The following PDE4D variants were observed in gnomAD, a reference collection of about 807,000 sequenced individuals.
PDE4D encodes phosphodiesterase 4D, also known as 3',5'-cyclic-AMP phosphodiesterase 4D.
Under a neutral mutation model 87.4 loss-of-function variants are expected in PDE4D, and 24 were observed. The observed-to-expected ratio is 0.27, with a 90% CI of 0.20 to 0.39. The LOEUF (loss-of-function observed/expected upper bound fraction) is 0.39, where lower values mean the gene tolerates loss of function less well. Among genes scored for constraint, PDE4D ranks in the 10% least tolerant of loss-of-function variants. PDE4D has a pLI of 1.00. For missense variants in PDE4D, 714 were observed against 1,041.0 expected (o/e 0.69, Z 4.32); for synonymous variants, 384 against 383.2 (o/e 1.00, Z -0.02).
At chr5:59,017,717 T>G (rs1580321579) in intron 6 of PDE4D, among the ~76,000 whole-genome samples, 1 of 152,188 alleles carries the variant, frequency 6.6e-6, no homozygotes, top group Non-Finnish European at 1.5e-5. Context: ...CCTAAGAAAC[T>G]TCCTTATCCA....
chr5:59,849,653 A>T (rs1581410228), intron 1 of PDE4D, among the ~76,000 whole-genome samples: 1 of 151,810 alleles, frequency 6.6e-6, no homozygotes, highest in Non-Finnish European at 1.5e-5. Context: ...TAAATCATAC[A>T]TGGACAAAAG....
At chr5:60,022,052 T>C (rs2152853261) in intron 2 of PDE4D, among the ~76,000 whole-genome samples, 1 of 152,238 alleles carries the variant, frequency 6.6e-6, no homozygotes, top group Non-Finnish European at 1.5e-5. Flanking sequence ...GAAACAAACA[T>C]CCCTCCTCTT....
At chr5:59,369,107 CA>C (rs1783548832) in intron 1 of PDE4D, among the ~76,000 whole-genome samples, 1 of 152,206 alleles carries the variant, frequency 6.6e-6, no homozygotes, top group African/African-American at 2.4e-5. Context: ...CATCACTTCT[CA>C]ATCTACTACT....
At chr5:59,166,085 A>G (rs555907304) in intron 5 of PDE4D, among the ~76,000 whole-genome samples, 1 of 152,252 alleles carries the variant, frequency 6.6e-6, no homozygotes, top group Non-Finnish European at 1.5e-5. Context: ...TCCACTAAGA[A>G]TTTTGCATTA....
chr5:59,683,184 T>C (rs548434962), intron 1 of PDE4D, among the ~76,000 whole-genome samples: 2 of 152,318 alleles, frequency 1.3e-5, no homozygotes, highest in Non-Finnish European at 2.9e-5. Context: ...TTGCTCTTAA[T>C]GTGTATCAAT....
chr5:60,349,520 ACTAT>A lies in PDE4D; in HGVS notation c.-90+138418_-90+138421del, dbSNP rs756603043. On this transcript the variant is annotated intron_variant, in intron 1 of 16. Coordinates refer to the PDE4D transcript ENST00000502484. ...ATGCCACTTTAAACTGTTGGCATTT[ACTAT>A]CTAAGGCAGAATTAAAAGATTTCAT... Among the ~76,000 whole-genome samples, 12 of 152,346 alleles carry A rather than the reference ACTAT, an allele frequency of 7.9e-5. No homozygotes were observed. The South Asian group carries it at 1.7e-3, about 21-fold the overall frequency.
intron 2 of PDE4D, among the ~76,000 whole-genome samples, chr5:60,044,528 C>T (rs1302842468): frequency 6.6e-6 from 1 of 151,462 alleles, no homozygotes; most frequent in South Asian, 2.1e-4. Flanking sequence ...CCCCACCCCA[C>T]AATAGTCCCC....
chr5:60,402,064 T>C (rs1426154393), intron 1 of PDE4D, among the ~76,000 whole-genome samples: 1 of 152,218 alleles, frequency 6.6e-6, no homozygotes, highest in Middle Eastern at 3.2e-3. Context: ...CCCTGACAGC[T>C]GGAAAATACG....
chr5:59,807,966 G>A (rs574518892), intron 1 of PDE4D, among the ~76,000 whole-genome samples: 1 of 152,312 alleles, frequency 6.6e-6, no homozygotes, highest in African/African-American at 2.4e-5. Flanking sequence ...AAGCTCTTCA[G>A]ATGATGGATG....
intron 5 of PDE4D, among the ~76,000 whole-genome samples, chr5:59,115,389 C>A (rs1773432653): frequency 6.6e-6 from 1 of 152,066 alleles, no homozygotes; most frequent in Non-Finnish European, 1.5e-5. Context: ...TTTTCTTTTT[C>A]TGTTGTTGTT....
chr5:59,494,560 A>G (rs1489895790), intron 1 of PDE4D, among the ~76,000 whole-genome samples: 1 of 152,234 alleles, frequency 6.6e-6, no homozygotes, highest in East Asian at 1.9e-4. Context: ...TTGAACTGTT[A>G]GTCATAACTT....
intron 1 of PDE4D, among the ~76,000 whole-genome samples, chr5:60,351,816 T>A (rs1759224045): frequency 6.7e-6 from 1 of 149,118 alleles, no homozygotes; most frequent in Non-Finnish European, 1.5e-5. Flanking sequence ...TTTATTTATT[T>A]ATTTTTAGAG....
intron 3 of PDE4D, among the ~76,000 whole-genome samples, chr5:59,973,735 A>C (rs375044463): frequency 1.3e-5 from 2 of 152,270 alleles, no homozygotes; most frequent in East Asian, 3.9e-4. Flanking sequence ...GGTCTCCTCC[A>C]CTGAGTTTAA....
intron 1 of PDE4D, among the ~76,000 whole-genome samples, chr5:60,241,707 A>T (rs975252248): frequency 6.6e-6 from 1 of 152,116 alleles, no homozygotes; most frequent in Admixed American, 6.6e-5. Context: ...CAGATCTTAG[A>T]GTTATTGGCC....
intron 2 of PDE4D, among the ~76,000 whole-genome samples, chr5:60,051,566 A>T (rs1052625721): frequency 6.6e-6 from 1 of 152,212 alleles, no homozygotes; most frequent in Non-Finnish European, 1.5e-5. Flanking sequence ...ATAGGACCAA[A>T]TGCCCACAGG....
At chr5:60,259,355 A>G (rs1380428245) in intron 1 of PDE4D, among the ~76,000 whole-genome samples, 1 of 152,094 alleles carries the variant, frequency 6.6e-6, no homozygotes, top group Non-Finnish European at 1.5e-5. Flanking sequence ...CATTTTGTCC[A>G]TTCCTCATAT....
intron 3 of PDE4D, among the ~76,000 whole-genome samples, chr5:59,189,678 T>G (rs1743879905): frequency 6.6e-6 from 1 of 152,114 alleles, no homozygotes; most frequent in East Asian, 1.9e-4. Flanking sequence ...AAAAGGTCAG[T>G]TGCCGCGTGC....
intron 3 of PDE4D, among the ~76,000 whole-genome samples, chr5:59,959,818 T>C (rs1460971801): frequency 1.3e-5 from 2 of 152,014 alleles, no homozygotes; most frequent in East Asian, 1.9e-4. Context: ...CCAAAAGCAA[T>C]TGCATACAAA....
intron 1 of PDE4D, among the ~76,000 whole-genome samples, chr5:60,274,280 C>G (rs547713730): frequency 6.6e-6 from 1 of 152,174 alleles, no homozygotes. Context: ...TAAGGAGCCA[C>G]TTAAAATCAG....
Sources: gnomAD v4.1 joint callset for allele counts (sites outside exome capture counted in the v4.1 genomes callset) on GRCh38, gnomAD v4.1.1 for gene constraint, MANE v1.5 for transcripts, NCBI Gene and HGNC (gene_info 2026-07-23, HGNC 2026-07-21) for gene names.